The following THEMIS variants were observed in gnomAD, a reference collection of about 807,000 sequenced individuals.
The protein encoded by THEMIS is protein THEMIS.
THEMIS carries 37 observed loss-of-function variants against 52.6 expected under a neutral mutation model. That is an observed-to-expected ratio of 0.70 (90% CI 0.54 to 0.93). The LOEUF (loss-of-function observed/expected upper bound fraction) is 0.93. Among genes scored for constraint, THEMIS ranks in the 40% least tolerant of loss-of-function variants. The probability of loss-of-function intolerance (pLI) is 0.00; values close to 1 mark genes in which losing one functional copy is unlikely to be tolerated. For missense variants in THEMIS, 808 were observed against 763.1 expected (o/e 1.06, Z -0.69); for synonymous variants, 292 against 272.7 (o/e 1.07, Z -0.70).
chr6:127,779,594 G>A (rs970885134), intron 4 of THEMIS, among the ~76,000 whole-genome samples: 1 of 152,096 alleles, frequency 6.6e-6, no homozygotes, highest in African/African-American at 2.4e-5. Context: ...CTGAATTGAA[G>A]AGCTCCAATG....
At chr6:127,906,343 T>C (rs751526648) in intron 1 of THEMIS, among the ~76,000 whole-genome samples, 2 of 151,842 alleles carry the variant, frequency 1.3e-5, no homozygotes, top group Non-Finnish European at 2.9e-5. Context: ...TTCAATAATA[T>C]ACCTTCAAAA....
chr6:127,716,677 A>G (rs753196254), intron 5 of THEMIS, among the ~76,000 whole-genome samples: 24 of 152,048 alleles, frequency 1.6e-4, no homozygotes, highest in East Asian at 1.2e-3. Flanking sequence ...AACTTTCCAC[A>G]TGTAAATCAA....
intron 1 of THEMIS, among the ~76,000 whole-genome samples, chr6:127,890,586 T>A (rs1780774849): frequency 6.6e-6 from 1 of 151,942 alleles, no homozygotes; most frequent in Non-Finnish European, 1.5e-5. Context: ...GAAGAAAAAA[T>A]TTGGAATAGT....
chr6:127,732,528 T>A (rs1416491345), intron 4 of THEMIS, among the ~76,000 whole-genome samples: 1 of 152,210 alleles, frequency 6.6e-6, no homozygotes, highest in African/African-American at 2.4e-5. Flanking sequence ...TCCCAGCAGC[T>A]CCTTCATGCC....
At position 127,895,233 on chromosome 6, in the gene THEMIS, C is replaced by G. The variant is rs1000233543; in HGVS notation, c.91+5609G>C. ...TAGTACATAATATATTAACAAGGAA[C>G]TTTAGATGATTTTCTTTATGACTAG... On this transcript the variant is annotated intron_variant, in intron 1 of 5. Coordinates refer to ENST00000368248, the MANE Select transcript of THEMIS (RefSeq NM_001010923.3). 2.0e-5 allele frequency among the ~76,000 whole-genome samples: 3 copies of G among 151,306 alleles called. 1 individual carries two copies. In the South Asian group the frequency reaches 6.2e-4, roughly 31 times the overall value.
chr6:127,810,466 A>G (rs952194433), intron 4 of THEMIS, among the ~76,000 whole-genome samples: 3 of 152,158 alleles, frequency 2.0e-5, no homozygotes, highest in East Asian at 3.9e-4. Flanking sequence ...TAATGGATTA[A>G]TGCTGCTAAG....
chr6:127,729,123 C>T (rs1164185542), intron 4 of THEMIS, among the ~76,000 whole-genome samples: 1 of 128,998 alleles, frequency 7.8e-6, no homozygotes, highest in Admixed American at 8.0e-5. Context: ...TTCCATTCTA[C>T]TCCCTTTACC....
At chr6:127,876,253 C>T (rs1392112831) in intron 1 of THEMIS, among the ~76,000 whole-genome samples, 1 of 152,098 alleles carries the variant, frequency 6.6e-6, no homozygotes, top group Admixed American at 6.5e-5. Context: ...TCAAAATGAT[C>T]CACCAGCAGG....
At chr6:127,740,216 A>C (rs1437014695) in intron 4 of THEMIS, among the ~76,000 whole-genome samples, 1 of 152,138 alleles carries the variant, frequency 6.6e-6, no homozygotes, top group East Asian at 1.9e-4. Context: ...GGTGGGAACA[A>C]AGGACATTTA....
At chr6:127,848,096 T>C (rs1583347726) in intron 2 of THEMIS, among the ~76,000 whole-genome samples, 1 of 104,128 alleles carries the variant, frequency 9.6e-6, no homozygotes, top group Admixed American at 1.5e-4. Flanking sequence ...CAGGCCCCGG[T>C]GTGTGTGTGA....
chr6:127,868,422 G>C (rs1458983614), intron 1 of THEMIS: 1 of 985,100 alleles, frequency 1.0e-6, no homozygotes, highest in East Asian at 1.1e-4. Context: ...AAAAGGAATG[G>C]AGAAGATGGA....
At chr6:127,796,927 A>T (rs1777349829) in intron 4 of THEMIS, among the ~76,000 whole-genome samples, 1 of 152,202 alleles carries the variant, frequency 6.6e-6, no homozygotes, top group South Asian at 2.1e-4. Context: ...AATCATGGGG[A>T]AATCCCATAG....
At chr6:127,749,355 T>C (rs1775556328) in intron 4 of THEMIS, among the ~76,000 whole-genome samples, 2 of 152,182 alleles carry the variant, frequency 1.3e-5, no homozygotes, top group South Asian at 2.1e-4. Flanking sequence ...AACCACAGGA[T>C]TGATGCTTTC....
chr6:127,907,336 G>GTTTTTTTT (rs1444629822), intron 1 of THEMIS, among the ~76,000 whole-genome samples: 28 of 28,590 alleles, frequency 9.8e-4, no homozygotes, highest in Non-Finnish European at 1.7e-3. Flanking sequence ...ATTAGGCTCG[G>GTTTTTTTT]ATTTTTTTTT....
At chr6:127,881,268 C>A (rs1260668107) in intron 1 of THEMIS, among the ~76,000 whole-genome samples, 1 of 151,600 alleles carries the variant, frequency 6.6e-6, no homozygotes, top group East Asian at 1.9e-4. Flanking sequence ...AATAATTGAC[C>A]AATAATTTGT....
At chr6:127,821,751 A>T (rs1024519219) in intron 3 of THEMIS, among the ~76,000 whole-genome samples, 1 of 152,014 alleles carries the variant, frequency 6.6e-6, no homozygotes, top group Admixed American at 6.5e-5. Flanking sequence ...GAAAATAAAG[A>T]GTTACCTTTA....
At chr6:127,733,602 G>A (rs1774884623) in intron 4 of THEMIS, among the ~76,000 whole-genome samples, 1 of 152,220 alleles carries the variant, frequency 6.6e-6, no homozygotes, top group South Asian at 2.1e-4. Flanking sequence ...ATTATAAACA[G>A]GTACCAGCTT....
rs1775820080 is a variant in THEMIS, at chr6:127,756,200, A to G, written c.1759-36377T>C. 3.9e-5 allele frequency among the ~76,000 whole-genome samples: 6 copies of G among 152,226 alleles called. No individual in the cohort carries two copies. In the South Asian group the frequency reaches 1.2e-3, roughly 31 times the overall value. On this transcript the variant is annotated intron_variant, in intron 4 of 5. Coordinates refer to ENST00000368248, the MANE Select transcript of THEMIS (RefSeq NM_001010923.3). ...ACAAGTATAATTATACAAGGCTGTCAGGTAAAAACGGTAGAACACAAACAT... is the reference window on the plus strand; with the variant it reads ...ACAAGTATAATTATACAAGGCTGTCGGGTAAAAACGGTAGAACACAAACAT...
At chr6:127,778,018 G>A (rs1196541420) in intron 4 of THEMIS, among the ~76,000 whole-genome samples, 1 of 152,118 alleles carries the variant, frequency 6.6e-6, no homozygotes, top group Non-Finnish European at 1.5e-5. Flanking sequence ...ATTGACAAAT[G>A]TACAAATGCA....
Sources: allele counts gnomAD v4.1 joint callset (sites outside exome capture counted in the v4.1 genomes callset), GRCh38; gene constraint gnomAD v4.1.1; transcripts MANE v1.5; gene names NCBI Gene and HGNC (gene_info 2026-07-23, HGNC 2026-07-21).